Variants in CWC27 observed in about 807,000 individuals in gnomAD.
The protein encoded by CWC27 is CWC27 spliceosome associated cyclophilin, also known as spliceosome-associated protein CWC27 homolog.
A neutral mutation model predicts 63.6 loss-of-function variants in CWC27; 47 were observed. The ratio of observed to expected loss-of-function variants is 0.74; its 90% CI spans 0.58 to 0.94. The LOEUF (loss-of-function observed/expected upper bound fraction) is 0.94, where lower values mean the gene tolerates loss of function less well. Ranked by LOEUF, CWC27 falls within the 40% of genes least tolerant of loss-of-function variation. The pLI, the probability that CWC27 is intolerant of heterozygous loss-of-function variation, is 0.00. For synonymous variants in CWC27, 175 were observed against 179.8 expected, an observed-to-expected ratio of 0.97 and a Z score of 0.22; for missense variants, 495 against 554.3, an observed-to-expected ratio of 0.89 and a Z score of 1.07.
intron 7 of CWC27, among the ~76,000 whole-genome samples, chr5:64,795,103 A>G (rs1744221683): frequency 6.6e-6 from 1 of 152,144 alleles, no homozygotes. Context: ...TTTTGAGACT[A>G]AAGTAAGGAT....
In CWC27 at chr5:64,876,958, T is replaced by C. The variant is rs568926421; in HGVS notation, c.939-8485T>C. Among the ~76,000 whole-genome samples, 101 of 152,192 alleles carry C rather than the reference T, an allele frequency of 6.6e-4. 2 individuals are homozygous for C. Among genetic ancestry groups the C allele is most frequent in the African/African-American group, 2.4e-3 (99 of 41,564 alleles). On this transcript the variant is annotated intron_variant, in intron 10 of 13. Coordinates refer to ENST00000381070, the MANE Select transcript of CWC27 (RefSeq NM_005869.4). ...GTAATAACGAATGATCTTATAAAAATTGTAAATATGTTGACATTGTAGTAA... is the reference window on the plus strand; with the variant it reads ...GTAATAACGAATGATCTTATAAAAACTGTAAATATGTTGACATTGTAGTAA...
chr5:64,771,325 G>T (rs972854786), intron 1 of CWC27, among the ~76,000 whole-genome samples: 5 of 152,212 alleles, frequency 3.3e-5, no homozygotes, highest in Non-Finnish European at 7.3e-5. Flanking sequence ...AAAGCGTACA[G>T]AGACATTCAG....
chr5:64,869,989 C>A (rs1033737804), intron 10 of CWC27, among the ~76,000 whole-genome samples: 2 of 151,868 alleles, frequency 1.3e-5, no homozygotes, highest in Non-Finnish European at 2.9e-5. Context: ...GGAAAAAAAA[C>A]TAAAAAATGA....
At chr5:64,818,981 G>A (rs906459982) in intron 10 of CWC27, among the ~76,000 whole-genome samples, 4 of 152,166 alleles carry the variant, frequency 2.6e-5, no homozygotes, top group Non-Finnish European at 5.9e-5. Context: ...TTGCTCCTAG[G>A]TTTTATGGTC....
chr5:64,898,074 A>G (rs993414596), intron 11 of CWC27, among the ~76,000 whole-genome samples: 17 of 152,234 alleles, frequency 1.1e-4, no homozygotes, highest in African/African-American at 4.1e-4. Context: ...GCTTCAGAAT[A>G]CATATTATTT....
intron 11 of CWC27, among the ~76,000 whole-genome samples, chr5:64,927,920 G>A (rs185612191): frequency 2.8e-4 from 43 of 152,116 alleles, no homozygotes; most frequent in African/African-American, 8.9e-4. Context: ...TTTGGGAGGC[G>A]GAGGCAGGTG....
At chr5:64,776,859 A>G (rs993034968) in intron 2 of CWC27, among the ~76,000 whole-genome samples, 1 of 152,142 alleles carries the variant, frequency 6.6e-6, no homozygotes, top group Non-Finnish European at 1.5e-5. Context: ...GCCCTCAACT[A>G]AAATGATGTT....
intron 10 of CWC27, among the ~76,000 whole-genome samples, chr5:64,816,517 G>T (rs1433614): frequency 8.6e-5 from 13 of 151,858 alleles, no homozygotes; most frequent in Admixed American, 5.2e-4. Context: ...GCCCTCTTTC[G>T]TACCTGCCTC....
At chr5:64,941,321 T>C (rs190555270) in intron 11 of CWC27, among the ~76,000 whole-genome samples, 1 of 152,310 alleles carries the variant, frequency 6.6e-6, no homozygotes, top group African/African-American at 2.4e-5. Context: ...CTAAAAGATA[T>C]ACTGGTAGTC....
intron 10 of CWC27, among the ~76,000 whole-genome samples, chr5:64,869,980 G>GA (rs971217712): frequency 4.0e-5 from 6 of 151,272 alleles, no homozygotes; most frequent in East Asian, 1.9e-4. Flanking sequence ...TTAGGATGGG[G>GA]AAAAAAAACT....
rs1334929618 is a variant in CWC27 at position 64,971,838 on chromosome 5, C to A, written c.1152+26C>A. 4.2e-6 allele frequency: 6 copies of A among 1,445,092 alleles called. No homozygotes were observed. In the South Asian group the frequency reaches 6.1e-5, roughly 15 times the overall value. The allele number at this position is 1,445,092 out of a possible 1,614,324, so 89.5% of individuals were successfully genotyped here. On this transcript the variant is annotated intron_variant, in intron 12 of 13. Coordinates refer to ENST00000381070, the MANE Select transcript of CWC27 (RefSeq NM_005869.4). ...GTAACTTCAAAAACCCAAATCCATA[C>A]AGAACTTATTGTCTTTTTATTGTTT...
At chr5:64,909,156 T>C (rs1448752454) in intron 11 of CWC27, among the ~76,000 whole-genome samples, 3 of 152,208 alleles carry the variant, frequency 2.0e-5, no homozygotes, top group Admixed American at 6.5e-5. Flanking sequence ...TTAGTTTGGC[T>C]GGATATGAAA....
intron 10 of CWC27, among the ~76,000 whole-genome samples, chr5:64,865,079 A>G (rs112396538): frequency 6.6e-6 from 1 of 152,124 alleles, no homozygotes; most frequent in African/African-American, 2.4e-5. Flanking sequence ...TTATGCATCA[A>G]CTGTGTATCT....
At chr5:64,988,626 G>A (rs1295675695) in intron 13 of CWC27, among the ~76,000 whole-genome samples, 5 of 148,528 alleles carry the variant, frequency 3.4e-5, no homozygotes, top group South Asian at 2.1e-4. Context: ...TTTTTGAGAC[G>A]GGGTTTTACT....
rs1239275872 is a variant in CWC27 at position 65,008,813 on chromosome 5, C to T, written c.1257-9346C>T. ...TTTGATTCTATAAATAGTGTCTGCCCTCCAAATGGCTTAAGTCTAGTGTAG... is the reference window on the plus strand; with the variant it reads ...TTTGATTCTATAAATAGTGTCTGCCTTCCAAATGGCTTAAGTCTAGTGTAG... On this transcript the variant is annotated intron_variant, in intron 13 of 13. Transcript: ENST00000381070. Among the ~76,000 whole-genome samples the T allele has an allele frequency of 6.6e-5, 10 of 152,124 alleles. 1 individual carries two copies. The highest frequency in any genetic ancestry group is 3.2e-3 in the Middle Eastern group (1 of 316).
chr5:64,885,399 C>G, intron 10 of CWC27, 44 bp from the exon 11 acceptor site: 14 of 1,321,420 alleles, frequency 1.1e-5, no homozygotes, highest in African/African-American at 3.0e-5. Flanking sequence ...ACAACTTTTA[C>G]TCTCAATATA....
chr5:64,977,103 C>G (rs1303476682), intron 12 of CWC27, 32 bp from the exon 13 acceptor site: 14 of 1,257,580 alleles, frequency 1.1e-5, no homozygotes, highest in African/African-American at 1.5e-5. Flanking sequence ...TTATCTTTAT[C>G]AGAAAACTTA....
Position 64,824,728 on chromosome 5 carries a change from C to CTTTTTTTT in CWC27, c.938+20357_938+20364dup, listed in dbSNP as rs768576527. 7.4e-4 allele frequency among the ~76,000 whole-genome samples: 68 copies of CTTTTTTTT among 91,974 alleles called. 1 individual carries two copies. Among genetic ancestry groups the CTTTTTTTT allele is most frequent in the East Asian group, 1.5e-3 (4 of 2,700 alleles). The allele number at this position is 91,974 out of a possible 152,430, so 60.3% of individuals were successfully genotyped here. A position where few individuals can be genotyped will look rare whatever the true frequency, so the allele number is the denominator to read the frequency against. ...CAGGGGAAGTGTTCCTTTCTTTTCTCTTTTTTTTTTTTTTTTTTTTTTGAG... is the reference window on the plus strand; with the variant it reads ...CAGGGGAAGTGTTCCTTTCTTTTCTCTTTTTTTTTTTTTTTTTTTTTTTTTTTTTTGAG... On this transcript the variant is annotated intron_variant, in intron 10 of 13. Transcript: ENST00000381070.
chr5:64,819,143 T>C (rs1364796932), intron 10 of CWC27, among the ~76,000 whole-genome samples: 1 of 152,170 alleles, frequency 6.6e-6, no homozygotes, highest in East Asian at 1.9e-4. Context: ...CAGAAGACAA[T>C]GGTCACTTGA....
Sources: allele counts gnomAD v4.1 joint callset (sites outside exome capture counted in the v4.1 genomes callset), GRCh38; gene constraint gnomAD v4.1.1; transcripts MANE v1.5; gene names NCBI Gene and HGNC (gene_info 2026-07-23, HGNC 2026-07-21).